Variants in SBF2 observed in about 807,000 individuals in gnomAD.
SBF2 encodes myotubularin-related protein 13.
Under a neutral mutation model 225.2 loss-of-function variants are expected in SBF2, and 112 were observed. The ratio of observed to expected loss-of-function variants is 0.50; its 90% CI spans 0.43 to 0.58. The LOEUF (loss-of-function observed/expected upper bound fraction) is 0.58, where lower values mean the gene tolerates loss of function less well. Among genes scored for constraint, SBF2 ranks in the 20% least tolerant of loss-of-function variants. SBF2 has a pLI of 0.00. For synonymous variants in SBF2, 763 were observed against 773.3 expected (o/e 0.99, Z 0.22); for missense variants, 1,996 against 2,206.2 (o/e 0.90, Z 1.91).
At chr11:9,786,110 C>T (rs188389593) in intron 36 of SBF2, among the ~76,000 whole-genome samples, 45 of 152,268 alleles carry the variant, frequency 3.0e-4, no homozygotes, top group African/African-American at 1.1e-3. Context: ...TCATGCCTGC[C>T]TCGGCCTCCC....
chr11:9,835,111 C>T (rs1590184806), intron 26 of SBF2, among the ~76,000 whole-genome samples: 1 of 152,330 alleles, frequency 6.6e-6, no homozygotes, highest in East Asian at 1.9e-4. Flanking sequence ...ACCCACTACT[C>T]AGAGCCTTCA....
At chr11:10,198,477 CACAG>C (rs1281360355) in intron 1 of SBF2, among the ~76,000 whole-genome samples, 5 of 152,194 alleles carry the variant, frequency 3.3e-5, no homozygotes, top group South Asian at 4.1e-4. Context: ...ATTTACAGAG[CACAG>C]ACAGAGTAGA....
At chr11:9,988,455 G>C (rs946070426) in intron 13 of SBF2, among the ~76,000 whole-genome samples, 2 of 152,148 alleles carry the variant, frequency 1.3e-5, no homozygotes, top group African/African-American at 4.8e-5. Flanking sequence ...ACAGTCAGCA[G>C]AGTAAACAGA....
At chr11:9,831,581 A>AT (rs1378751541) in intron 27 of SBF2, among the ~76,000 whole-genome samples, 1 of 152,066 alleles carries the variant, frequency 6.6e-6, no homozygotes, top group African/African-American at 2.4e-5. Flanking sequence ...CTACTGTTTC[A>AT]TTTTTTTTGA....
rs577171489 is a variant in SBF2, at chr11:10,001,778, G to A, written c.753-756C>T. On this transcript the variant is annotated intron_variant, in intron 7 of 39. Coordinates refer to ENST00000256190, the MANE Select transcript of SBF2 (RefSeq NM_030962.4). ...CTTGACCTCGTGATCCACCCGCCTCGGCCTACCAAAGTGCTGGGATTACAG... is the reference window on the plus strand; with the variant it reads ...CTTGACCTCGTGATCCACCCGCCTCAGCCTACCAAAGTGCTGGGATTACAG... Among the ~76,000 whole-genome samples, 37 of 152,014 alleles carry A rather than the reference G, an allele frequency of 2.4e-4. No individual in the cohort carries two copies. In the East Asian group the frequency reaches 6.4e-3, roughly 26 times the overall value.
intron 1 of SBF2, among the ~76,000 whole-genome samples, chr11:10,257,670 A>C: frequency 6.9e-6 from 1 of 144,548 alleles, no homozygotes; most frequent in East Asian, 2.1e-4. Flanking sequence ...GCCTCAAAAA[A>C]AAAAAAAAAA....
intron 16 of SBF2, among the ~76,000 whole-genome samples, chr11:9,908,408 G>A (rs951804249): frequency 4.0e-5 from 6 of 151,620 alleles, no homozygotes; most frequent in East Asian, 1.9e-4. Flanking sequence ...GGTAGATCAC[G>A]AGGTCAGGAG....
rs1185564248 is a variant in SBF2 at position 9,938,144 on chromosome 11, A to T, written c.1860+23813T>A. On this transcript the variant is annotated intron_variant, in intron 16 of 39. Coordinates refer to ENST00000256190, the MANE Select transcript of SBF2 (RefSeq NM_030962.4). Reference sequence around the variant, plus strand: ...GTCTCCACTAAAAATACAAAAAATTAGCCGGGCGTGGTGGCGGGCGCCTCT... The same window carrying T: ...GTCTCCACTAAAAATACAAAAAATTTGCCGGGCGTGGTGGCGGGCGCCTCT... Among the ~76,000 whole-genome samples, 4 of 152,010 alleles carry T rather than the reference A, an allele frequency of 2.6e-5. No individual in the cohort carries two copies. In the East Asian group the frequency reaches 7.7e-4, roughly 29 times the overall value.
At chr11:10,038,048 G>C (rs1949513414) in intron 3 of SBF2, among the ~76,000 whole-genome samples, 1 of 151,662 alleles carries the variant, frequency 6.6e-6, no homozygotes, top group African/African-American at 2.4e-5. Context: ...TTCTATTGTT[G>C]GACACTGATC....
chr11:9,895,231 C>T (rs921550031), intron 17 of SBF2, among the ~76,000 whole-genome samples: 6 of 152,150 alleles, frequency 3.9e-5, no homozygotes, highest in African/African-American at 1.4e-4. Context: ...TTATTGCTTC[C>T]TGAAGCTGAC....
At chr11:10,115,755 C>G (rs1218092911) in intron 2 of SBF2, among the ~76,000 whole-genome samples, 4 of 152,170 alleles carry the variant, frequency 2.6e-5, no homozygotes, top group African/African-American at 9.7e-5. Flanking sequence ...ATCTTTCACA[C>G]TTTAATGTTT....
intron 1 of SBF2, among the ~76,000 whole-genome samples, chr11:10,262,591 T>G (rs1961557578): frequency 1.3e-5 from 2 of 152,198 alleles, no homozygotes; most frequent in South Asian, 4.1e-4. Flanking sequence ...GAAAAGAGTT[T>G]AGTGATCTGT....
At chr11:9,781,665 T>C (rs753153654) in intron 38 of SBF2, 27 bp from the exon 39 acceptor site, 1 of 1,614,022 alleles carries the variant, frequency 6.2e-7, no homozygotes. Flanking sequence ...ACAAGTGAGA[T>C]ATAAGAGACA....
At chr11:10,275,443 C>A (rs1396344552) in intron 1 of SBF2, among the ~76,000 whole-genome samples, 1 of 152,160 alleles carries the variant, frequency 6.6e-6, no homozygotes. Context: ...TTCCTACTTA[C>A]ACAAGATAAA....
At chr11:10,006,216 T>C (rs1948182802) in intron 6 of SBF2, among the ~76,000 whole-genome samples, 1 of 152,224 alleles carries the variant, frequency 6.6e-6, no homozygotes, top group Non-Finnish European at 1.5e-5. Flanking sequence ...GCCATGTAAC[T>C]GTTATTTGTA....
At chr11:10,168,221 C>T (rs1325868951) in intron 2 of SBF2, among the ~76,000 whole-genome samples, 1 of 152,130 alleles carries the variant, frequency 6.6e-6, no homozygotes, top group South Asian at 2.1e-4. Context: ...GATCTCAGTT[C>T]CTGGCACATA....
At chr11:10,080,403 T>C (rs908899674) in intron 2 of SBF2, among the ~76,000 whole-genome samples, 1 of 151,762 alleles carries the variant, frequency 6.6e-6, no homozygotes, top group African/African-American at 2.4e-5. Context: ...GTTTTTAACA[T>C]GGAAACAAAA....
chr11:10,141,116 A>G (rs1954620200), intron 2 of SBF2, among the ~76,000 whole-genome samples: 1 of 152,182 alleles, frequency 6.6e-6, no homozygotes, highest in African/African-American at 2.4e-5. Flanking sequence ...CTTACCAAAA[A>G]CACAGACTTA....
intron 2 of SBF2, among the ~76,000 whole-genome samples, chr11:10,061,619 G>T (rs559712503): frequency 6.6e-6 from 1 of 151,890 alleles, no homozygotes; most frequent in East Asian, 1.9e-4. Flanking sequence ...AAAATACACA[G>T]GAATACAGTT....
Sources: gnomAD v4.1 joint callset for allele counts (sites outside exome capture counted in the v4.1 genomes callset) on GRCh38, gnomAD v4.1.1 for gene constraint, MANE v1.5 for transcripts, NCBI Gene and HGNC (gene_info 2026-07-23, HGNC 2026-07-21) for gene names.